Variants in STAM2 observed in about 807,000 individuals in gnomAD.
STAM2 encodes signal transducing adapter molecule 2.
A neutral mutation model predicts 65.6 loss-of-function variants in STAM2; 51 were observed. The ratio of observed to expected loss-of-function variants is 0.78; its 90% CI spans 0.62 to 0.98. The LOEUF (loss-of-function observed/expected upper bound fraction) is 0.98, where lower values mean the gene tolerates loss of function less well. Among genes scored for constraint, STAM2 ranks in the 50% least tolerant of loss-of-function variants. The pLI, the probability that STAM2 is intolerant of heterozygous loss-of-function variation, is 0.00. For missense variants in STAM2, 584 were observed against 617.8 expected, an observed-to-expected ratio of 0.95 and a Z score of 0.58; for synonymous variants, 198 against 208.4, an observed-to-expected ratio of 0.95 and a Z score of 0.43.
intron 1 of STAM2, among the ~76,000 whole-genome samples, chr2:152,155,210 C>T (rs1343446982): frequency 2.6e-5 from 4 of 152,300 alleles, no homozygotes; most frequent in Admixed American, 2.6e-4. Flanking sequence ...ATATTTGTTT[C>T]ATGAGTGAAT....
chr2:152,142,182 G>T (rs952868257), intron 7 of STAM2, among the ~76,000 whole-genome samples: 1 of 152,140 alleles, frequency 6.6e-6, no homozygotes, highest in Non-Finnish European at 1.5e-5. Flanking sequence ...GACAGCAATT[G>T]ACCTACAAAT....
At chr2:152,123,675 T>C in intron 13 of STAM2, 91 bp downstream of exon 13, 1 of 1,251,888 alleles carries the variant, frequency 8.0e-7, no homozygotes, top group Non-Finnish European at 1.1e-6. Context: ...AACAGTTCTG[T>C]AACTTCATCT....
At position 152,120,484 on chromosome 2, in the gene STAM2, A is replaced by AG. The variant is rs1476595333; in HGVS notation, c.*89dup. 4.7e-6 allele frequency: 5 copies of AG among 1,064,910 alleles called. No homozygotes were observed. The African/African-American group carries it at 4.8e-5, about 10-fold the overall frequency. 66.0% of individuals were successfully genotyped at this position (1,064,910 alleles called of 1,614,324 possible). A position where few individuals can be genotyped will look rare whatever the true frequency, so the allele number is the denominator to read the frequency against. The stretch of plus-strand genomic sequence containing the variant: ...TTATTCATGGTCCTTTTGAGTTGAG[A>AG]GGGAAAAAAGTTTTAATATTTTCAG... On this transcript the variant is annotated 3_prime_UTR_variant, in exon 14 of 14. Transcript: ENST00000263904.
chr2:152,129,862 T>G (rs16830736), intron 11 of STAM2, among the ~76,000 whole-genome samples: 1 of 152,214 alleles, frequency 6.6e-6, no homozygotes, highest in East Asian at 1.9e-4. Flanking sequence ...TACTGTTAAT[T>G]GCCACACAGA....
chr2:152,172,880 AAAAG>A (rs1187220891), intron 1 of STAM2, among the ~76,000 whole-genome samples: 5 of 151,844 alleles, frequency 3.3e-5, no homozygotes, highest in Admixed American at 3.3e-4. Flanking sequence ...AAAAAAAAGA[AAAAG>A]AAAAAAGAAA....
chr2:152,147,371 T>A, intron 4 of STAM2, 63 bp from the exon 5 acceptor site: 1 of 1,387,836 alleles, frequency 7.2e-7, no homozygotes, highest in African/African-American at 1.5e-5. Context: ...ACTTAAATTA[T>A]TTAACAAGGA....
At chr2:152,174,693 A>G (rs1689977448) in intron 1 of STAM2, among the ~76,000 whole-genome samples, 1 of 152,134 alleles carries the variant, frequency 6.6e-6, no homozygotes, top group Admixed American at 6.5e-5. Context: ...AACTACTGCT[A>G]CAAAAACAAA....
At chr2:152,126,754 C>T (rs1393843282) in intron 11 of STAM2, among the ~76,000 whole-genome samples, 2 of 152,004 alleles carry the variant, frequency 1.3e-5, no homozygotes, top group Non-Finnish European at 1.5e-5. Context: ...ATTGGGTGTC[C>T]GAAAAAAATC....
At chr2:152,140,251 GGAAAAGAAAA>G (rs1689220768) in intron 7 of STAM2, among the ~76,000 whole-genome samples, 1 of 152,044 alleles carries the variant, frequency 6.6e-6, no homozygotes. Context: ...CTTGCCAGGA[GGAAAAGAAAA>G]TTAAGTCTGT....
chr2:152,158,886 T>TAAACAC (rs922056857), intron 1 of STAM2, among the ~76,000 whole-genome samples: 5 of 151,736 alleles, frequency 3.3e-5, no homozygotes, highest in African/African-American at 1.2e-4. Context: ...TCTCATGACG[T>TAAACAC]AAACACTTCC....
intron 1 of STAM2, among the ~76,000 whole-genome samples, chr2:152,166,252 T>C (rs1689783729): frequency 6.6e-6 from 1 of 152,110 alleles, no homozygotes. Flanking sequence ...TACATCATCA[T>C]GTAGTGACAA....
intron 1 of STAM2, among the ~76,000 whole-genome samples, chr2:152,169,949 T>C (rs1361744633): frequency 6.6e-6 from 1 of 151,638 alleles, no homozygotes; most frequent in Non-Finnish European, 1.5e-5. Flanking sequence ...GTGATTCTTC[T>C]ACCTCAGCCT....
In STAM2 at chr2:152,132,178, C is replaced by T; in HGVS notation, c.971-10G>A. 6.3e-7 allele frequency: 1 copy of T among 1,598,402 alleles called. No individual in the cohort carries two copies. The highest frequency in any genetic ancestry group is 8.6e-7 in the Non-Finnish European group (1 of 1,169,560). On this transcript the variant is annotated splice_polypyrimidine_tract_variant and intron_variant, in intron 10 of 13. Coordinates refer to ENST00000263904, the MANE Select transcript of STAM2 (RefSeq NM_005843.6). Reference sequence around the variant, plus strand: ...ATCTGTTGGCAGATATCTGTAAATACAAAAATACTTACAAATATAGAAACT... The same window carrying T: ...ATCTGTTGGCAGATATCTGTAAATATAAAAATACTTACAAATATAGAAACT...
chr2:152,120,467 G>A lies in STAM2; in HGVS notation c.*107C>T. On this transcript the variant is annotated 3_prime_UTR_variant, in exon 14 of 14. Coordinates refer to ENST00000263904, the MANE Select transcript of STAM2 (RefSeq NM_005843.6). Reference sequence around the variant, plus strand: ...AGGTTTTTGTGCTTTATTTATTCATGGTCCTTTTGAGTTGAGAGGGAAAAA... The same window carrying A: ...AGGTTTTTGTGCTTTATTTATTCATAGTCCTTTTGAGTTGAGAGGGAAAAA... The A allele has an allele frequency of 2.4e-6, 2 of 843,628 alleles. No homozygotes were observed. The highest frequency in any genetic ancestry group is 1.9e-6 in the Non-Finnish European group (1 of 540,050). The allele number at this position is 843,628 out of a possible 1,614,324, so 52.3% of individuals were successfully genotyped here.
At chr2:152,121,630 T>A (rs1688854957) in intron 13 of STAM2, among the ~76,000 whole-genome samples, 1 of 152,132 alleles carries the variant, frequency 6.6e-6, no homozygotes, top group Non-Finnish European at 1.5e-5. Flanking sequence ...AAATCAACCC[T>A]CAGGATAGTC....
intron 5 of STAM2, 149 bp downstream of exon 5, chr2:152,147,013 C>T: frequency 3.1e-6 from 2 of 649,054 alleles, no homozygotes; most frequent in Admixed American, 3.1e-5. Context: ...AGAATGTCTA[C>T]TAAACGTAAG....
At chr2:152,175,544 G>C in intron 1 of STAM2, 59 bp downstream of exon 1, 4 of 1,607,646 alleles carry the variant, frequency 2.5e-6, no homozygotes, top group Non-Finnish European at 2.6e-6. Context: ...CTTTCTAGCC[G>C]GACAAACAGC....
rs893170421 is a variant in STAM2, at chr2:152,118,328, A to C, written c.*2246T>G. The C allele has an allele frequency of 4.0e-5, 6 of 151,892 alleles. No homozygotes were observed. Among genetic ancestry groups the C allele is most frequent in the Non-Finnish European group, 7.4e-5 (5 of 67,902 alleles). 9.4% of individuals were successfully genotyped at this position (151,892 alleles called of 1,614,324 possible). On this transcript the variant is annotated 3_prime_UTR_variant, in exon 14 of 14. Transcript: ENST00000263904. The stretch of plus-strand genomic sequence containing the variant: ...AGTACACAGATTTAAAATCATTTTT[A>C]TCTCTCGACAGCCTGCAACACAAAA...
At chr2:152,133,560 T>C in intron 8 of STAM2, 76 bp from the exon 9 acceptor site, 5 of 1,089,974 alleles carry the variant, frequency 4.6e-6, no homozygotes, top group East Asian at 4.7e-5. Flanking sequence ...AAGTGGCCTA[T>C]GATTGTCCAT....
Sources: allele counts gnomAD v4.1 joint callset (sites outside exome capture counted in the v4.1 genomes callset), GRCh38; gene constraint gnomAD v4.1.1; transcripts MANE v1.5; gene names NCBI Gene and HGNC (gene_info 2026-07-23, HGNC 2026-07-21).